Variants in PI4KA observed in about 807,000 individuals in gnomAD.
The protein encoded by PI4KA is PI4-kinase alpha.
Under a neutral mutation model 271.4 loss-of-function variants are expected in PI4KA, and 122 were observed. The ratio of observed to expected loss-of-function variants is 0.45; its 90% CI spans 0.39 to 0.52. PI4KA has a LOEUF of 0.52. Among genes scored for constraint, PI4KA ranks in the 20% least tolerant of loss-of-function variants. The pLI is 0.00. For missense variants in PI4KA, 1,969 were observed against 2,769.1 expected (o/e 0.71, Z 6.48); for synonymous variants, 1,041 against 1,078.8 (o/e 0.96, Z 0.69).
In PI4KA at chr22:20,819,754, C is replaced by T. The variant is rs749292442; in HGVS notation, c.676G>A (p.Val226Ile). The T allele has an allele frequency of 6.2e-7, 1 of 1,614,134 alleles. No individual in the cohort carries two copies. Among genetic ancestry groups the T allele is most frequent in the Admixed American group, 1.7e-5 (1 of 60,014 alleles). ...AAGTCATTAAAGGAACGCCTTCGAA[C>T]ACCTTCAAGCTCTTCCAGGACACGG... ...SLRVLEELEG[V>I]RRRSFNDFRS... Residue 226 changes from valine (V) to isoleucine (I), a missense_variant, in exon 6 of 55, where the codon GTT becomes ATT. Transcript: ENST00000255882.
At position 20,807,527 on chromosome 22, in the gene PI4KA, G is replaced by A. The variant is rs547147007; in HGVS notation, c.1072-69C>T. ...CTTCTGCCCACCCTTTGCCTTCACA[G>A]CAAGGCCCAGCGGAATGGTGATTCG... On this transcript the variant is annotated intron_variant, in intron 9 of 54. Transcript: ENST00000255882. The A allele has an allele frequency of 6.0e-6, 5 of 836,234 alleles. No homozygotes were observed. In the African/African-American group the frequency reaches 8.4e-5, roughly 14 times the overall value. 51.8% of individuals were successfully genotyped at this position (836,234 alleles called of 1,614,324 possible). A position where few individuals can be genotyped will look rare whatever the true frequency, so the allele number is the denominator to read the frequency against.
chr22:20,769,539 C>G (rs555561780), intron 19 of PI4KA, among the ~76,000 whole-genome samples: 4 of 151,958 alleles, frequency 2.6e-5, no homozygotes, highest in East Asian at 3.9e-4. Context: ...CGTGGTGGCA[C>G]ACACCTGTAG....
chr22:20,800,156 G>A (rs12160158), intron 14 of PI4KA, among the ~76,000 whole-genome samples: 18 of 152,232 alleles, frequency 1.2e-4, no homozygotes, highest in East Asian at 3.9e-4. Flanking sequence ...AAACATTTAC[G>A]TTACAGAGAA....
intron 1 of PI4KA, among the ~76,000 whole-genome samples, chr22:20,852,015 T>TC (rs1927043255): frequency 6.6e-6 from 1 of 152,076 alleles, no homozygotes; most frequent in South Asian, 2.1e-4. Context: ...TCCCAGCTAC[T>TC]CGGGAGGCTG....
chr22:20,769,162 G>GT, intron 19 of PI4KA, among the ~76,000 whole-genome samples: 1 of 152,332 alleles, frequency 6.6e-6, no homozygotes, highest in Non-Finnish European at 1.5e-5. Context: ...GTTCAAAGTG[G>GT]TTTTGACACA....
chr22:20,823,084 T>G (rs1244126162), intron 4 of PI4KA, among the ~76,000 whole-genome samples: 1 of 152,062 alleles, frequency 6.6e-6, no homozygotes, highest in Non-Finnish European at 1.5e-5. Flanking sequence ...CGGCTAATTT[T>G]TATATTTTTA....
In PI4KA at chr22:20,733,455, C is replaced by T. The variant is rs1038663578; in HGVS notation, c.4160+281G>A. On this transcript the variant is annotated intron_variant, in intron 35 of 54. Coordinates refer to ENST00000255882, the MANE Select transcript of PI4KA (RefSeq NM_058004.4). Reference sequence around the variant, plus strand: ...TTCGTGCAATAAGCCTTCACATTAACAGGGAAATTAAATGGACGCACTTAA... The same window carrying T: ...TTCGTGCAATAAGCCTTCACATTAATAGGGAAATTAAATGGACGCACTTAA... Among the ~76,000 whole-genome samples, 7 of 149,456 alleles carry T rather than the reference C, an allele frequency of 4.7e-5. No individual in the cohort carries two copies. In the Admixed American group the frequency reaches 4.7e-4, roughly 10 times the overall value.
chr22:20,722,421 A>AGGTGATCC (rs1926845379), intron 42 of PI4KA, among the ~76,000 whole-genome samples: 1 of 152,156 alleles, frequency 6.6e-6, no homozygotes, highest in Non-Finnish European at 1.5e-5. Flanking sequence ...TCCTCACCTC[A>AGGTGATCC]GGTGATCCAC....
intron 3 of PI4KA, among the ~76,000 whole-genome samples, chr22:20,825,615 CA>C (rs1341846571): frequency 6.6e-6 from 1 of 152,008 alleles, no homozygotes; most frequent in African/African-American, 2.4e-5. Flanking sequence ...AAAAAACAAA[CA>C]AAATCCTAAC....
At chr22:20,753,521 T>C (rs73160989) in intron 23 of PI4KA, among the ~76,000 whole-genome samples, 10,443 of 152,266 alleles carry the variant, frequency 0.069, 348 homozygotes, top group East Asian at 0.079. Context: ...GTCCAATATG[T>C]GGTGACTCCT....
At chr22:20,815,264 C>T (rs1238898657) in intron 7 of PI4KA, among the ~76,000 whole-genome samples, 2 of 151,420 alleles carry the variant, frequency 1.3e-5, no homozygotes, top group Non-Finnish European at 2.9e-5. Context: ...GCCTGTAATC[C>T]CAGCTACTTG....
intron 19 of PI4KA, among the ~76,000 whole-genome samples, chr22:20,786,455 C>A (rs530662871): frequency 6.6e-6 from 1 of 152,292 alleles, no homozygotes; most frequent in South Asian, 2.1e-4. Flanking sequence ...CTACCCCCAG[C>A]CAAATCATGA....
At chr22:20,806,708 A>G (rs1466501334) in intron 10 of PI4KA, among the ~76,000 whole-genome samples, 2 of 152,002 alleles carry the variant, frequency 1.3e-5, no homozygotes, top group African/African-American at 2.4e-5. Context: ...AACAGATTAC[A>G]TGTATTACAA....
chr22:20,855,500 T>C (rs968742356), intron 1 of PI4KA, among the ~76,000 whole-genome samples: 6 of 152,268 alleles, frequency 3.9e-5, no homozygotes, highest in Admixed American at 3.3e-4. Flanking sequence ...ACTGCCCACA[T>C]GTATATAGTT....
chr22:20,856,152 A>C (rs1323537772), intron 1 of PI4KA, among the ~76,000 whole-genome samples: 5 of 152,142 alleles, frequency 3.3e-5, no homozygotes, highest in African/African-American at 1.2e-4. Context: ...TCTCTACTAA[A>C]TACTAAAAAA....
At chr22:20,797,072 G>GA in intron 17 of PI4KA, among the ~76,000 whole-genome samples, 1 of 152,190 alleles carries the variant, frequency 6.6e-6, no homozygotes, top group Non-Finnish European at 1.5e-5. Context: ...CGGGAAGAGT[G>GA]AAACACCACG....
chr22:20,842,898 C>G (rs1925744926), intron 1 of PI4KA, among the ~76,000 whole-genome samples: 1 of 151,332 alleles, frequency 6.6e-6, no homozygotes, highest in South Asian at 2.1e-4. Flanking sequence ...ATCACGAGAT[C>G]AGGAGATCGA....
chr22:20,850,999 C>T (rs926347923), intron 1 of PI4KA, among the ~76,000 whole-genome samples: 5 of 152,106 alleles, frequency 3.3e-5, no homozygotes, highest in Non-Finnish European at 5.9e-5. Flanking sequence ...AAGTTATGAT[C>T]ATGCCACTGC....
chr22:20,844,714 A>G (rs956187056), intron 1 of PI4KA, among the ~76,000 whole-genome samples: 1 of 152,162 alleles, frequency 6.6e-6, no homozygotes, highest in Non-Finnish European at 1.5e-5. Flanking sequence ...CCAAATAATG[A>G]CAGCTAACAC....
Sources: allele counts gnomAD v4.1 joint callset (sites outside exome capture counted in the v4.1 genomes callset), GRCh38; gene constraint gnomAD v4.1.1; transcripts MANE v1.5; gene names NCBI Gene and HGNC (gene_info 2026-07-23, HGNC 2026-07-21).